Variants in CYP11A1 observed in about 807,000 individuals in gnomAD.
CYP11A1 encodes the protein cytochrome P450 family 11 subfamily A member 1, also known as cholesterol side-chain cleavage enzyme, mitochondrial.
Under a neutral mutation model 51.9 loss-of-function variants are expected in CYP11A1, and 25 were observed. That is an observed-to-expected ratio of 0.48 (90% CI 0.35 to 0.67). The LOEUF is 0.67. CYP11A1 is among the 30% of genes least tolerant of loss of function. The pLI is 0.00. For synonymous variants in CYP11A1, 245 were observed against 262.1 expected, an observed-to-expected ratio of 0.93 and a Z score of 0.63; for missense variants, 578 against 680.9, an observed-to-expected ratio of 0.85 and a Z score of 1.68.
intron 1 of CYP11A1, among the ~76,000 whole-genome samples, chr15:74,352,453 T>C (rs543499668): frequency 6.6e-6 from 1 of 152,124 alleles, no homozygotes; most frequent in African/African-American, 2.4e-5. Flanking sequence ...AATTTTTTAA[T>C]AGAGACAAGG....
chr15:74,356,684 A>G (rs2060681667), intron 1 of CYP11A1, among the ~76,000 whole-genome samples: 1 of 152,144 alleles, frequency 6.6e-6, no homozygotes, highest in Non-Finnish European at 1.5e-5. Flanking sequence ...CAGTTCCCTT[A>G]TTAGGTCAAG....
chr15:74,342,241 C>T lies in CYP11A1; in HGVS notation c.990+736G>A, dbSNP rs144353340. On this transcript the variant is annotated intron_variant, in intron 5 of 8. Coordinates refer to ENST00000268053, the MANE Select transcript of CYP11A1 (RefSeq NM_000781.3). The stretch of plus-strand genomic sequence containing the variant: ...GGGATTGTAGGTGCCCACCACCAGG[C>T]CCAGCTAATTTTTTGTATTTTTAGT... Among the ~76,000 whole-genome samples the T allele has an allele frequency of 3.1e-3, 476 of 152,208 alleles. 3 individuals are homozygous for T. Among genetic ancestry groups the T allele is most frequent in the South Asian group, 0.025 (121 of 4,808 alleles).
Position 74,337,801 on chromosome 15 carries a change from G to A in CYP11A1, c.*171C>T, listed in dbSNP as rs1053465351. 1.3e-6 allele frequency: 1 copy of A among 780,888 alleles called. No individual in the cohort carries two copies. The highest frequency in any genetic ancestry group is 2.2e-6 in the Non-Finnish European group (1 of 461,366). The allele number at this position is 780,888 out of a possible 1,614,324, so 48.4% of individuals were successfully genotyped here. A position where few individuals can be genotyped will look rare whatever the true frequency, so the allele number is the denominator to read the frequency against. On this transcript the variant is annotated 3_prime_UTR_variant, in exon 9 of 9. Coordinates refer to ENST00000268053, the MANE Select transcript of CYP11A1 (RefSeq NM_000781.3). ...TTATTGTCTCCATGGGGTGGGTGAAGAGGAGTGGCCCAGCTGAGCTGAGGA... is the reference window on the plus strand; with the variant it reads ...TTATTGTCTCCATGGGGTGGGTGAAAAGGAGTGGCCCAGCTGAGCTGAGGA...
Position 74,343,086 on chromosome 15 carries a change from A to T in CYP11A1, c.881T>A (p.Val294Asp). The change falls in exon 5 of 9, where the codon GTT (valine) becomes GAT (aspartate). Residue 294 changes from valine to aspartate, a missense_variant. By Grantham distance (152) the Val-to-Asp change is radical. Transcript: ENST00000268053. ...FYWELRQKGS[V>D]HHDYRGILYR... ...GAGGATGCCACGGTAATCGTGGTGAACACTTCCTTTCTGTCTCAATTCCCA... is the reference window on the plus strand; with the variant it reads ...GAGGATGCCACGGTAATCGTGGTGATCACTTCCTTTCTGTCTCAATTCCCA... 2 of 1,613,912 alleles carry T rather than the reference A, an allele frequency of 1.2e-6. No homozygotes were observed. The highest frequency in any genetic ancestry group is 2.7e-5 in the African/African-American group (2 of 75,020).
At chr15:74,362,050 T>G (rs1405290478) in intron 1 of CYP11A1, 1 of 1,488,708 alleles carries the variant, frequency 6.7e-7, no homozygotes, top group Non-Finnish European at 9.2e-7. Context: ...TCTAATAAGT[T>G]TGACTTGTGT....
rs537187397 is a variant in CYP11A1, at chr15:74,339,309, G to A, written c.1164C>T (p.His388=). The A allele has an allele frequency of 6.8e-5, 110 of 1,614,146 alleles. 1 individual carries two copies. In the South Asian group the frequency reaches 1.1e-3, roughly 16 times the overall value. ...KASIKETLRL[H]PISVTLQRYL... ...ATCTCTGCAGGGTCACGGAGATGGG[G>A]TGAAGTCTGCGGGAGGAGGGCACTC... is the stretch of plus-strand genomic sequence containing the variant. Residue 388 remains histidine, a synonymous_variant, in exon 7 of 9, where the codon CAC becomes CAT. Coordinates refer to ENST00000268053, the MANE Select transcript of CYP11A1 (RefSeq NM_000781.3).
chr15:74,344,098 C>T (rs549232379), intron 3 of CYP11A1, 106 bp from the exon 4 acceptor site: 44 of 890,550 alleles, frequency 4.9e-5, no homozygotes, highest in Non-Finnish European at 7.4e-5. Context: ...CAAAGGATCT[C>T]TTGCCCCTAC....
intron 1 of CYP11A1, chr15:74,350,868 G>C (rs1272655276): frequency 6.6e-6 from 1 of 152,130 alleles, no homozygotes. Context: ...CAAATTCTTT[G>C]TTCAAGACAC....
rs2060594778 is a variant in CYP11A1, at chr15:74,339,286, C to T, written c.1187G>A (p.Arg396Lys). 8 of 1,614,228 alleles carry T rather than the reference C, an allele frequency of 5.0e-6. No individual in the cohort carries two copies. The highest frequency in any genetic ancestry group is 6.8e-6 in the Non-Finnish European group (8 of 1,180,032). The change falls in exon 7 of 9, where the codon AGA (arginine) becomes AAA (lysine). Residue 396 changes from arginine (R) to lysine (K), a missense_variant. Arg to Lys is a conservative substitution (Grantham distance 26). Coordinates refer to ENST00000268053, the MANE Select transcript of CYP11A1 (RefSeq NM_000781.3). ...AAGAACCAAGTCATTTACAAGATATCTCTGCAGGGTCACGGAGATGGGGTG... is the reference window on the plus strand; with the variant it reads ...AAGAACCAAGTCATTTACAAGATATTTCTGCAGGGTCACGGAGATGGGGTG... Reference protein sequence around the residue: ...RLHPISVTLQRYLVNDLVLRD... With the variant: ...RLHPISVTLQKYLVNDLVLRD...
Position 74,338,003 on chromosome 15 carries a change from C to CA in CYP11A1, c.1534dup (p.Trp512LeufsTer4). The CA allele has an allele frequency of 6.2e-7, 1 of 1,614,132 alleles. No individual in the cohort carries two copies. The highest frequency in any genetic ancestry group is 8.5e-7 in the Non-Finnish European group (1 of 1,180,022). On this transcript the variant is annotated frameshift_variant, in exon 9 of 9. Coordinates refer to ENST00000268053, the MANE Select transcript of CYP11A1 (RefSeq NM_000781.3). LOFTEE classifies it low-confidence loss of function (END_TRUNC). ...CTGGGTTGCTTCCTGGTTAAAGGGC[C>CA]AGAAGGTGAAGGAGATGGGCTTTTC...
At chr15:74,347,478 C>A (rs1298743258) in intron 2 of CYP11A1, among the ~76,000 whole-genome samples, 1 of 152,148 alleles carries the variant, frequency 6.6e-6, no homozygotes, top group East Asian at 1.9e-4. Flanking sequence ...ACTGATCTGT[C>A]CCCATGTAGG....
chr15:74,366,077 C>T, intron 1 of CYP11A1: 1 of 985,498 alleles, frequency 1.0e-6, no homozygotes, highest in Non-Finnish European at 1.2e-6. Flanking sequence ...CGGGCTGTGT[C>T]GAGGGGAGGC....
chr15:74,362,193 G>A, intron 1 of CYP11A1: 1 of 540,928 alleles, frequency 1.8e-6, no homozygotes, highest in Non-Finnish European at 3.3e-6. Context: ...GCAGAGTTGA[G>A]TTAAAGTTTA....
intron 1 of CYP11A1, among the ~76,000 whole-genome samples, chr15:74,350,013 C>A (rs372240942): frequency 6.6e-6 from 1 of 152,042 alleles, no homozygotes; most frequent in Non-Finnish European, 1.5e-5. Flanking sequence ...ATAAACGAAA[C>A]GAGATCTTTC....
chr15:74,342,844 G>A, intron 5 of CYP11A1, 133 bp downstream of exon 5: 1 of 915,936 alleles, frequency 1.1e-6, no homozygotes, highest in South Asian at 1.4e-5. Context: ...TGGAAATGGA[G>A]GCAAGGAGGA....
intron 1 of CYP11A1, chr15:74,363,357 C>G (rs934822739): frequency 6.6e-6 from 1 of 152,220 alleles, no homozygotes; most frequent in Non-Finnish European, 1.5e-5. Context: ...GCCTTGGCCT[C>G]CCAAGTAGCT....
At chr15:74,346,524 G>T (rs2060633948) in intron 2 of CYP11A1, among the ~76,000 whole-genome samples, 1 of 151,852 alleles carries the variant, frequency 6.6e-6, no homozygotes, top group African/African-American at 2.4e-5. Context: ...TAATCCTATT[G>T]GGCATTTCAG....
chr15:74,347,164 T>C (rs748993514), intron 2 of CYP11A1, among the ~76,000 whole-genome samples: 4 of 152,024 alleles, frequency 2.6e-5, no homozygotes, highest in Admixed American at 6.5e-5. Context: ...ATCCTAGCAC[T>C]TTGGAAGGCT....
intron 4 of CYP11A1, 109 bp downstream of exon 4, chr15:74,343,680 T>C (rs1453277430): frequency 2.0e-6 from 2 of 991,474 alleles, no homozygotes; most frequent in South Asian, 1.3e-5. Context: ...CCCGCCACAG[T>C]GTGGGTTTCC....
Sources: gnomAD v4.1 joint callset for allele counts (sites outside exome capture counted in the v4.1 genomes callset) on GRCh38, gnomAD v4.1.1 for gene constraint, MANE v1.5 for transcripts, NCBI Gene and HGNC (gene_info 2026-07-23, HGNC 2026-07-21) for gene names.